CLEC2L: variants seen among roughly 807,000 people sequenced by gnomAD.
The protein encoded by CLEC2L is C-type lectin domain family 2 member L.
CLEC2L carries 14 observed loss-of-function variants against 23.6 expected under a neutral mutation model. The observed-to-expected ratio is 0.59, with a 90% CI of 0.39 to 0.93. The LOEUF (loss-of-function observed/expected upper bound fraction) is 0.93. Among genes scored for constraint, CLEC2L ranks in the 40% least tolerant of loss-of-function variants. The probability of loss-of-function intolerance (pLI) is 0.00; values close to 1 mark genes in which losing one functional copy is unlikely to be tolerated. For missense variants in CLEC2L, 264 were observed against 282.4 expected (o/e 0.93, Z 0.47); for synonymous variants, 114 against 121.3 (o/e 0.94, Z 0.40).
intron 1 of CLEC2L, among the ~76,000 whole-genome samples, chr7:139,533,880 A>G (rs1797615668): frequency 6.6e-6 from 1 of 152,210 alleles, no homozygotes. Flanking sequence ...TTTACAGACA[A>G]ACATTGAGCT....
intron 1 of CLEC2L, 28 bp downstream of exon 1, chr7:139,524,145 G>GGCCCAGGGACCCCT (rs1355182253): frequency 4.4e-5 from 53 of 1,211,348 alleles, no homozygotes; most frequent in Non-Finnish European, 5.0e-5. Flanking sequence ...TCCCTCTCCT[G>GGCCCAGGGACCCCT]GCCCAGGGAC....
intron 4 of CLEC2L, among the ~76,000 whole-genome samples, chr7:139,543,593 G>A (rs1240532731): frequency 6.6e-6 from 1 of 152,214 alleles, no homozygotes; most frequent in African/African-American, 2.4e-5. Flanking sequence ...ATTTGAGGTA[G>A]GGGGGAATCC....
At chr7:139,527,977 G>A (rs1183782410) in intron 1 of CLEC2L, among the ~76,000 whole-genome samples, 2 of 152,286 alleles carry the variant, frequency 1.3e-5, no homozygotes, top group East Asian at 3.9e-4. Context: ...AGGATGATGG[G>A]AGCTTTGTCT....
chr7:139,544,375 G>C lies in CLEC2L; in HGVS notation c.*33G>C, dbSNP rs376087840. 4.0e-5 allele frequency: 59 copies of C among 1,477,214 alleles called. No homozygotes were observed. Among genetic ancestry groups the C allele is most frequent in the Non-Finnish European group, 5.3e-5 (57 of 1,068,218 alleles). The allele number at this position is 1,477,214 out of a possible 1,614,324, so 91.5% of individuals were successfully genotyped here. Reference sequence around the variant, plus strand: ...GGGGCCAGAGGTGGCCCCGCCCCTAGGCCTGTGGGAGGTGTCTGGTGTCTG... The same window carrying C: ...GGGGCCAGAGGTGGCCCCGCCCCTACGCCTGTGGGAGGTGTCTGGTGTCTG... On this transcript the variant is annotated 3_prime_UTR_variant, in exon 5 of 5. Coordinates refer to ENST00000422142, the MANE Select transcript of CLEC2L (RefSeq NM_001080511.4).
intron 1 of CLEC2L, among the ~76,000 whole-genome samples, chr7:139,532,207 A>G (rs144574537): frequency 3.6e-4 from 55 of 152,368 alleles, no homozygotes; most frequent in African/African-American, 1.2e-3. Context: ...TTCTTGATCT[A>G]TAATACTCAG....
At chr7:139,534,239 C>T (rs751233167) in intron 1 of CLEC2L, 80 of 1,035,314 alleles carry the variant, frequency 7.7e-5, no homozygotes, top group Middle Eastern at 4.0e-4. Context: ...GAGTTTGGCG[C>T]GATGTCTCAC....
chr7:139,537,835 A>C lies in CLEC2L; in HGVS notation c.265+1487A>C, dbSNP rs551359270. ...TAAGTGGAAGAGGCCTGAGAAACATAGAGTGTGTGTGGAACTGAAAGGGTT... is the reference window on the plus strand; with the variant it reads ...TAAGTGGAAGAGGCCTGAGAAACATCGAGTGTGTGTGGAACTGAAAGGGTT... On this transcript the variant is annotated intron_variant, in intron 2 of 4. Coordinates refer to ENST00000422142, the MANE Select transcript of CLEC2L (RefSeq NM_001080511.4). 3.9e-5 allele frequency among the ~76,000 whole-genome samples: 6 copies of C among 152,366 alleles called. No individual in the cohort carries two copies. In the South Asian group the frequency reaches 1.0e-3, roughly 26 times the overall value.
Position 139,531,949 on chromosome 7 carries a change from G to A in CLEC2L, c.191-4325G>A, listed in dbSNP as rs563283375. On this transcript the variant is annotated intron_variant, in intron 1 of 4. Transcript: ENST00000422142. ...AAAGAAAAAGAAAAAAAATTTCCTG[G>A]AACTGAAAAACATCACTTTCCACAT... 2.0e-5 allele frequency among the ~76,000 whole-genome samples: 3 copies of A among 151,926 alleles called. No individual in the cohort carries two copies. In the South Asian group the frequency reaches 6.3e-4, roughly 32 times the overall value.
In CLEC2L at chr7:139,524,134, C is replaced by A; in HGVS notation, c.190+17C>A. ...CCTTGGAGGGTAAGCGCGGAGCGGC[C>A]TCCCTCTCCTGGCCCAGGGACCCCT... On this transcript the variant is annotated intron_variant, in intron 1 of 4. Transcript: ENST00000422142. 1 of 1,220,270 alleles carries A rather than the reference C, an allele frequency of 8.2e-7. No individual in the cohort carries two copies. The allele number at this position is 1,220,270 out of a possible 1,614,324, so 75.6% of individuals were successfully genotyped here.
In CLEC2L at chr7:139,540,168, C is replaced by A; in HGVS notation, c.266-153C>A. The A allele has an allele frequency of 2.9e-6, 2 of 692,240 alleles. No individual in the cohort carries two copies. Among genetic ancestry groups the A allele is most frequent in the East Asian group, 2.8e-5 (1 of 36,276 alleles). The allele number at this position is 692,240 out of a possible 1,614,324, so 42.9% of individuals were successfully genotyped here. ...GTCCCCTTTCTCATTCATTTAGTGG[C>A]CACCCTTTTACCTCCAGGCACCAGG... On this transcript the variant is annotated intron_variant, in intron 2 of 4. Transcript: ENST00000422142. The surrounding 1 kb of genome is among the most constrained non-coding windows in gnomAD (Gnocchi z 5.8).
intron 1 of CLEC2L, among the ~76,000 whole-genome samples, 167 bp downstream of exon 1, chr7:139,524,284 G>C (rs1797474234): frequency 7.5e-6 from 1 of 132,620 alleles, no homozygotes; most frequent in Admixed American, 8.1e-5. Flanking sequence ...CCAGACGCCG[G>C]TTCGTGGGGT....
In CLEC2L at chr7:139,544,379, T is replaced by C; in HGVS notation, c.*37T>C. 7.0e-7 allele frequency: 1 copy of C among 1,434,050 alleles called. No individual in the cohort carries two copies. Among genetic ancestry groups the C allele is most frequent in the Non-Finnish European group, 9.7e-7 (1 of 1,031,302 alleles). The allele number at this position is 1,434,050 out of a possible 1,614,324, so 88.8% of individuals were successfully genotyped here. A position where few individuals can be genotyped will look rare whatever the true frequency, so the allele number is the denominator to read the frequency against. On this transcript the variant is annotated 3_prime_UTR_variant, in exon 5 of 5. Transcript: ENST00000422142. ...CCAGAGGTGGCCCCGCCCCTAGGCC[T>C]GTGGGAGGTGTCTGGTGTCTGCTCA...
At chr7:139,530,688 C>G (rs897995733) in intron 1 of CLEC2L, among the ~76,000 whole-genome samples, 7 of 151,870 alleles carry the variant, frequency 4.6e-5, no homozygotes, top group Non-Finnish European at 1.0e-4. Flanking sequence ...TGGCGGGTGC[C>G]TATAATCCCA....
At chr7:139,532,440 C>T (rs1797594188) in intron 1 of CLEC2L, among the ~76,000 whole-genome samples, 1 of 152,112 alleles carries the variant, frequency 6.6e-6, no homozygotes, top group Non-Finnish European at 1.5e-5. Context: ...GCAGAGAAAT[C>T]CTCAGGCTGC....
rs1309574606 is a variant in CLEC2L at position 139,544,427 on chromosome 7, C to A, written c.*85C>A. 17 of 1,011,822 alleles carry A rather than the reference C, an allele frequency of 1.7e-5. No individual in the cohort carries two copies. The South Asian group carries it at 2.4e-4, about 14-fold the overall frequency. 62.7% of individuals were successfully genotyped at this position (1,011,822 alleles called of 1,614,324 possible). On this transcript the variant is annotated 3_prime_UTR_variant, in exon 5 of 5. Coordinates refer to ENST00000422142, the MANE Select transcript of CLEC2L (RefSeq NM_001080511.4). ...TCAAGACCTGCTTCCAGCGGAGCCG[C>A]CTGCCCTCTGCAAGGCGAAGCGGTG...
At position 139,542,081 on chromosome 7, in the gene CLEC2L, G is replaced by T; in HGVS notation, c.493G>T (p.Glu165Ter). 10 of 1,612,918 alleles carry T rather than the reference G, an allele frequency of 6.2e-6. No individual in the cohort carries two copies. Among genetic ancestry groups the T allele is most frequent in the Non-Finnish European group, 7.6e-6 (9 of 1,179,478 alleles). ...GATTGGACTACGCAGAGTTGGGGAC[G>T]AATTCCACTGGGTCAACGGGGACCC... ...PWIGLRRVGD[E>*]FHWVNGDPFD... The change falls in exon 4 of 5, where the codon GAA becomes TAA. Residue 165 changes from glutamate to a stop codon, truncating the protein, a stop_gained. Transcript: ENST00000422142. LOFTEE classifies it high-confidence loss of function.
intron 1 of CLEC2L, among the ~76,000 whole-genome samples, chr7:139,535,699 G>A (rs1797643535): frequency 6.6e-6 from 1 of 151,372 alleles, no homozygotes; most frequent in Non-Finnish European, 1.5e-5. Flanking sequence ...ATGGTGTAGA[G>A]GTGGGTGAAT....
intron 1 of CLEC2L, among the ~76,000 whole-genome samples, chr7:139,530,946 C>T (rs1407839109): frequency 6.6e-6 from 1 of 152,112 alleles, no homozygotes; most frequent in Non-Finnish European, 1.5e-5. Context: ...CCTGTATTCT[C>T]CTGGGGAGAA....
At chr7:139,544,090 T>G (rs1797774295) in intron 4 of CLEC2L, 141 bp from the exon 5 acceptor site, 1 of 637,184 alleles carries the variant, frequency 1.6e-6, no homozygotes, top group African/African-American at 1.8e-5. Flanking sequence ...AACAGTCTGT[T>G]GGCCCAAATG....
Sources: allele counts gnomAD v4.1 joint callset (sites outside exome capture counted in the v4.1 genomes callset), GRCh38; gene constraint gnomAD v4.1.1; non-coding constraint Gnocchi (gnomAD v3.1); transcripts MANE v1.5; gene names NCBI Gene and HGNC (gene_info 2026-07-23, HGNC 2026-07-21).